The following SPATA13 variants were observed in gnomAD, a reference collection of about 807,000 sequenced individuals.
The protein encoded by SPATA13 is spermatogenesis-associated protein 13.
In SPATA13, 50 loss-of-function variants were observed where a neutral mutation model predicts 104.0. The observed-to-expected ratio is 0.48, with a 90% CI of 0.38 to 0.61. The LOEUF (loss-of-function observed/expected upper bound fraction) is 0.61. SPATA13 is among the 20% of genes least tolerant of loss of function. The pLI is 0.00. For synonymous variants in SPATA13, 606 were observed against 667.5 expected, an observed-to-expected ratio of 0.91 and a Z score of 1.42; for missense variants, 1,524 against 1,690.6, an observed-to-expected ratio of 0.90 and a Z score of 1.73.
At chr13:24,285,680 C>CT (rs3067301) in intron 5 of SPATA13, among the ~76,000 whole-genome samples, 17,755 of 129,774 alleles carry the variant, frequency 0.14, 1,474 homozygotes, top group Non-Finnish European at 0.17. Context: ...CCACATCTGG[C>CT]TTTTTTTTTT....
At chr13:24,107,423 G>A (rs1880490207) in intron 3 of SPATA13, among the ~76,000 whole-genome samples, 1 of 151,998 alleles carries the variant, frequency 6.6e-6, no homozygotes, top group African/African-American at 2.4e-5. Context: ...GTTGCCAAAT[G>A]TTAAAAAGAA....
At chr13:24,162,607 A>C (rs1242734197) in intron 1 of SPATA13, 3 of 154,686 alleles carry the variant, frequency 1.9e-5, no homozygotes, top group Non-Finnish European at 4.4e-5. Flanking sequence ...TCTAGAATTA[A>C]TGTCAATATT....
Position 23,984,062 on chromosome 13 carries a change from T to C in SPATA13, c.-147+129T>C, listed in dbSNP as rs1321069779. Reference sequence around the variant, plus strand: ...AATTTGAAGGTTTTCACTGAGGCATTGAGCAACTAACAAGGGTGTAATTGG... The same window carrying C: ...AATTTGAAGGTTTTCACTGAGGCATCGAGCAACTAACAAGGGTGTAATTGG... On this transcript the variant is annotated intron_variant, in intron 2 of 14. Coordinates refer to the SPATA13 transcript ENST00000424834. The C allele has an allele frequency of 1.3e-5, 6 of 462,120 alleles. No homozygotes were observed. The South Asian group carries it at 2.8e-4, about 21-fold the overall frequency. The allele number at this position is 462,120 out of a possible 1,614,324, so 28.6% of individuals were successfully genotyped here.
chr13:24,173,891 G>A (rs1883104490), intron 1 of SPATA13, among the ~76,000 whole-genome samples: 1 of 152,114 alleles, frequency 6.6e-6, no homozygotes, highest in Admixed American at 6.5e-5. Context: ...GCATTTTTGT[G>A]TTGTATTCAT....
intron 2 of SPATA13, among the ~76,000 whole-genome samples, chr13:24,239,321 C>T (rs890633332): frequency 6.6e-6 from 1 of 152,168 alleles, no homozygotes; most frequent in Non-Finnish European, 1.5e-5. Context: ...TCCTCTATCA[C>T]TAATTTCAAA....
chr13:24,068,811 T>G (rs913511241), intron 3 of SPATA13, among the ~76,000 whole-genome samples: 3 of 152,182 alleles, frequency 2.0e-5, no homozygotes, highest in Non-Finnish European at 2.9e-5. Context: ...CGCATGTATG[T>G]CTTCTTTTGA....
chr13:24,278,496 C>T, intron 4 of SPATA13: 2 of 561,256 alleles, frequency 3.6e-6, no homozygotes, highest in Non-Finnish European at 2.8e-6. Context: ...CAGCTTGGTC[C>T]CAAACTCCTG....
chr13:24,278,971 TCC>T (rs1366529755), intron 4 of SPATA13: 2 of 128,350 alleles, frequency 1.6e-5, no homozygotes, highest in Middle Eastern at 2.0e-3. Context: ...CTTCCCTCCT[TCC>T]CTCCCTCCCT....
chr13:24,020,690 A>G (rs1876936616), intron 3 of SPATA13, among the ~76,000 whole-genome samples: 1 of 152,220 alleles, frequency 6.6e-6, no homozygotes, highest in African/African-American at 2.4e-5. Flanking sequence ...GTTAAATTCA[A>G]TGAATACTTT....
rs117913285 is a variant in SPATA13 at position 24,081,660 on chromosome 13, C to T, written c.-112+63959C>T. Among the ~76,000 whole-genome samples, 1,212 of 152,108 alleles carry T rather than the reference C, an allele frequency of 8.0e-3. 6 individuals are homozygous for T. Among genetic ancestry groups the T allele is most frequent in the Middle Eastern group, 0.045 (13 of 292 alleles). On this transcript the variant is annotated intron_variant, in intron 3 of 14. Transcript: ENST00000424834. Reference sequence around the variant, plus strand: ...CTGCACTGCAGCCTGGGTGACAGCACAAGACTCTCTGTCTCTTAAAAAATA... The same window carrying T: ...CTGCACTGCAGCCTGGGTGACAGCATAAGACTCTCTGTCTCTTAAAAAATA...
intron 1 of SPATA13, among the ~76,000 whole-genome samples, chr13:24,167,209 T>TTG (rs1229742197): frequency 6.6e-6 from 1 of 152,158 alleles, no homozygotes; most frequent in Non-Finnish European, 1.5e-5. Flanking sequence ...AGGAAGTGCT[T>TTG]TGTGTGTGTG....
chr13:24,031,952 G>A (rs1877497914), intron 3 of SPATA13, among the ~76,000 whole-genome samples: 1 of 152,132 alleles, frequency 6.6e-6, no homozygotes, highest in African/African-American at 2.4e-5. Context: ...GTTGTCCTCT[G>A]TGTTCTAAGT....
chr13:24,019,093 AT>A (rs71915188), intron 3 of SPATA13, among the ~76,000 whole-genome samples: 120 of 141,086 alleles, frequency 8.5e-4, no homozygotes, highest in African/African-American at 2.2e-3. Flanking sequence ...TATTATTATT[AT>A]TTTTTTTTTT....
intron 2 of SPATA13, among the ~76,000 whole-genome samples, chr13:24,009,444 G>A (rs1329194116): frequency 2.0e-5 from 3 of 152,198 alleles, no homozygotes; most frequent in Non-Finnish European, 4.4e-5. Flanking sequence ...ATGTGCCCTA[G>A]GTGGTTGGGC....
rs141521585 is a variant in SPATA13 at position 24,182,056 on chromosome 13, A to C, written c.-112+21124A>C. ...ATGTTTGAATAAAAAGTTGTGTTGGAATTATTAAACTACTTGTGGAAAACT... is the reference window on the plus strand; with the variant it reads ...ATGTTTGAATAAAAAGTTGTGTTGGCATTATTAAACTACTTGTGGAAAACT... On this transcript the variant is annotated intron_variant, in intron 1 of 12. Coordinates refer to ENST00000382108, the MANE Select transcript of SPATA13 (RefSeq NM_001166271.3). Among the ~76,000 whole-genome samples, 520 of 152,274 alleles carry C rather than the reference A, an allele frequency of 3.4e-3. 2 individuals are homozygous for C. Among genetic ancestry groups the C allele is most frequent in the African/African-American group, 0.012 (493 of 41,562 alleles).
chr13:24,228,894 C>T (rs547463420), intron 2 of SPATA13, among the ~76,000 whole-genome samples: 1 of 152,194 alleles, frequency 6.6e-6, no homozygotes, highest in African/African-American at 2.4e-5. Flanking sequence ...ATCATACTGT[C>T]CTAAAAATAA....
intron 4 of SPATA13, among the ~76,000 whole-genome samples, chr13:24,280,034 CAA>C (rs577157268): frequency 1.3e-3 from 200 of 152,272 alleles, no homozygotes; most frequent in African/African-American, 4.6e-3. Flanking sequence ...TCTTTTGAGG[CAA>C]AGTCTTGCTC....
intron 3 of SPATA13, among the ~76,000 whole-genome samples, chr13:24,116,898 T>A (rs946986718): frequency 6.6e-6 from 1 of 152,144 alleles, no homozygotes; most frequent in African/African-American, 2.4e-5. Context: ...ACCAGAGACC[T>A]TGTGTCCTCT....
At chr13:24,149,063 T>A (rs1427109926) in intron 3 of SPATA13, among the ~76,000 whole-genome samples, 1 of 152,154 alleles carries the variant, frequency 6.6e-6, no homozygotes, top group Non-Finnish European at 1.5e-5. Context: ...TAAACTTATT[T>A]GTGACTAAGG....
Sources: allele counts gnomAD v4.1 joint callset (sites outside exome capture counted in the v4.1 genomes callset), GRCh38; gene constraint gnomAD v4.1.1; transcripts MANE v1.5; gene names NCBI Gene and HGNC (gene_info 2026-07-23, HGNC 2026-07-21).